The following AHCYL2 variants were observed in gnomAD, a reference collection of about 807,000 sequenced individuals.
The protein encoded by AHCYL2 is adenosylhomocysteinase like 2.
AHCYL2 carries 28 observed loss-of-function variants against 81.4 expected under a neutral mutation model. The ratio of observed to expected loss-of-function variants is 0.34; its 90% CI spans 0.25 to 0.47. The LOEUF is 0.47. Among genes scored for constraint, AHCYL2 ranks in the 20% least tolerant of loss-of-function variants. The probability of loss-of-function intolerance (pLI) is 1.00; values close to 1 mark genes in which losing one functional copy is unlikely to be tolerated. For synonymous variants in AHCYL2, 272 were observed against 290.2 expected, an observed-to-expected ratio of 0.94 and a Z score of 0.64; for missense variants, 551 against 785.1, an observed-to-expected ratio of 0.70 and a Z score of 3.56.
intron 1 of AHCYL2, among the ~76,000 whole-genome samples, chr7:129,329,906 A>T (rs937161106): frequency 6.6e-6 from 1 of 152,248 alleles, no homozygotes. Context: ...ATAGTTCTGA[A>T]TAAGTATAAA....
chr7:129,353,620 G>A lies in AHCYL2; in HGVS notation c.364-26018G>A, dbSNP rs184460620. 1.9e-4 allele frequency among the ~76,000 whole-genome samples: 29 copies of A among 149,312 alleles called. No individual in the cohort carries two copies. The East Asian group carries it at 5.3e-3, about 27-fold the overall frequency. On this transcript the variant is annotated intron_variant, in intron 1 of 16. Transcript: ENST00000325006. ...AAAATAAGCAAATAATTTTAGATGT[G>A]TTAAGATGGAGGTGCCTATAGGAAT...
chr7:129,307,221 G>A (rs1304218487), intron 1 of AHCYL2, among the ~76,000 whole-genome samples: 1 of 152,196 alleles, frequency 6.6e-6, no homozygotes, highest in Non-Finnish European at 1.5e-5. Flanking sequence ...GGCAAGTCCA[G>A]AGATGCTGTT....
At position 129,422,895 on chromosome 7, in the gene AHCYL2, A is replaced by C; in HGVS notation, c.1517A>C (p.His506Pro). The change falls in exon 13 of 17, where the codon CAT becomes CCT. Residue 506 changes from histidine to proline, a missense_variant. This residue lies in a region of AHCYL2 where 316 missense variants were observed against 543.1 expected (regional missense o/e 0.58). Transcript: ENST00000325006. ...GAGCGAGTGAGATCTCAAGTTGACC[A>C]TGTGATATGGCCTGATGGCAAGAGG... ...TWERVRSQVD[H>P]VIWPDGKRIV... 1 of 1,614,138 alleles carries C rather than the reference A, an allele frequency of 6.2e-7. No homozygotes were observed.
chr7:129,290,239 C>T (rs1298767017), intron 1 of AHCYL2, among the ~76,000 whole-genome samples: 1 of 152,080 alleles, frequency 6.6e-6, no homozygotes, highest in Admixed American at 6.5e-5. Flanking sequence ...CACGGTGGCT[C>T]ATGCCTGTAA....
At position 129,389,745 on chromosome 7, in the gene AHCYL2, T is replaced by C; in HGVS notation, c.720+11T>C. The C allele has an allele frequency of 6.3e-7, 1 of 1,596,560 alleles. No homozygotes were observed. Among genetic ancestry groups the C allele is most frequent in the Non-Finnish European group, 8.5e-7 (1 of 1,174,322 alleles). On this transcript the variant is annotated intron_variant, in intron 4 of 16. Coordinates refer to ENST00000325006, the MANE Select transcript of AHCYL2 (RefSeq NM_015328.4). Reference sequence around the variant, plus strand: ...ACTGCTCAGACTGCTGTGAGTTCTTTTCTTTTCTCCTTTTAATTACAATAG... The same window carrying C: ...ACTGCTCAGACTGCTGTGAGTTCTTCTCTTTTCTCCTTTTAATTACAATAG...
At chr7:129,317,365 G>C (rs959010998) in intron 1 of AHCYL2, among the ~76,000 whole-genome samples, 3 of 151,878 alleles carry the variant, frequency 2.0e-5, no homozygotes, top group African/African-American at 7.3e-5. Context: ...CTCCAAGACA[G>C]ACTTAGAGGC....
chr7:129,236,727 A>G (rs1035187392), intron 1 of AHCYL2, among the ~76,000 whole-genome samples: 2 of 152,156 alleles, frequency 1.3e-5, no homozygotes, highest in African/African-American at 2.4e-5. Context: ...TTCACCATAC[A>G]TTTACCAATA....
chr7:129,403,498 A>G lies in AHCYL2; in HGVS notation c.1025+13A>G, dbSNP rs1372078130. 1.3e-6 allele frequency: 2 copies of G among 1,553,820 alleles called. No homozygotes were observed. The highest frequency in any genetic ancestry group is 8.8e-7 in the Non-Finnish European group (1 of 1,132,870). ...CTGGAGTTCACAGGTAAGATTTGAC[A>G]TGGGCATACCTGGTTTTATGCAGTC... On this transcript the variant is annotated intron_variant, in intron 7 of 16. Coordinates refer to ENST00000325006, the MANE Select transcript of AHCYL2 (RefSeq NM_015328.4).
Position 129,243,456 on chromosome 7 carries a change from C to A in AHCYL2, c.363+18017C>A, listed in dbSNP as rs185993645. Reference sequence around the variant, plus strand: ...TAATATAAAATTGATTTTTTAAAATCATTTGTCCTTTTTGAGTCTTGTTTT... The same window carrying A: ...TAATATAAAATTGATTTTTTAAAATAATTTGTCCTTTTTGAGTCTTGTTTT... On this transcript the variant is annotated intron_variant, in intron 1 of 16. Coordinates refer to ENST00000325006, the MANE Select transcript of AHCYL2 (RefSeq NM_015328.4). 9.9e-5 allele frequency among the ~76,000 whole-genome samples: 15 copies of A among 152,134 alleles called. No individual in the cohort carries two copies. The East Asian group carries it at 2.9e-3, about 29-fold the overall frequency.
chr7:129,313,509 T>C lies in AHCYL2; in HGVS notation c.364-66129T>C, dbSNP rs150338129. 1.8e-4 allele frequency among the ~76,000 whole-genome samples: 27 copies of C among 152,290 alleles called. No individual in the cohort carries two copies. In the East Asian group the frequency reaches 2.7e-3, roughly 15 times the overall value. ...AGCTCAGGTGTAGAAACAGAGAAAG[T>C]TGACAGTGTTTTTTGCTGTGTAGTT... On this transcript the variant is annotated intron_variant, in intron 1 of 16. Coordinates refer to ENST00000325006, the MANE Select transcript of AHCYL2 (RefSeq NM_015328.4).
chr7:129,423,432 T>C (rs182990864), intron 13 of AHCYL2, among the ~76,000 whole-genome samples: 10 of 152,306 alleles, frequency 6.6e-5, no homozygotes. Flanking sequence ...TATCAATTGC[T>C]CAATTGATAT....
At chr7:129,322,384 C>T (rs548792653) in intron 1 of AHCYL2, among the ~76,000 whole-genome samples, 1 of 152,198 alleles carries the variant, frequency 6.6e-6, no homozygotes, top group African/African-American at 2.4e-5. Flanking sequence ...AGGTGATCTG[C>T]CCGCCTTGGT....
rs943664030 is a variant in AHCYL2, at chr7:129,419,999, T to C, written c.1462-2841T>C. Among the ~76,000 whole-genome samples, 2 of 152,208 alleles carry C rather than the reference T, an allele frequency of 1.3e-5. No individual in the cohort carries two copies. The highest frequency in any genetic ancestry group is 2.9e-5 in the Non-Finnish European group (2 of 68,030). On this transcript the variant is annotated intron_variant, in intron 12 of 16. Transcript: ENST00000325006. This position sits in a 1 kb window ranked among gnomAD's most constrained non-coding sequence, Gnocchi z 4.7. ...TTCTGCTCTTGAGGAATGTGACTGC[T>C]GACTAGGCCTTAATAGGCAGGTTAT...
intron 1 of AHCYL2, among the ~76,000 whole-genome samples, chr7:129,242,093 A>AT (rs1794879579): frequency 6.6e-6 from 1 of 152,140 alleles, no homozygotes; most frequent in African/African-American, 2.4e-5. Flanking sequence ...GTATTTATGT[A>AT]TTCTGCAGCC....
chr7:129,422,972 A>G (rs753781187), intron 13 of AHCYL2, 34 bp downstream of exon 13: 16 of 1,591,744 alleles, frequency 1.0e-5, no homozygotes, highest in Non-Finnish European at 1.4e-5. Flanking sequence ...ACTCCCCCAC[A>G]ACAGGAGAGA....
At chr7:129,360,704 CGTGTGTG>C (rs1793904287) in intron 1 of AHCYL2, among the ~76,000 whole-genome samples, 1 of 151,430 alleles carries the variant, frequency 6.6e-6, no homozygotes, top group Non-Finnish European at 1.5e-5. Flanking sequence ...TTTTGAAAGA[CGTGTGTG>C]TGTGTGTATG....
intron 1 of AHCYL2, among the ~76,000 whole-genome samples, chr7:129,246,992 ATCT>A (rs1466655971): frequency 6.6e-5 from 10 of 152,314 alleles, no homozygotes; most frequent in Admixed American, 5.9e-4. Context: ...AGATTATATC[ATCT>A]TTTAGCTATT....
chr7:129,405,743 C>G, intron 8 of AHCYL2, 93 bp from the exon 9 acceptor site: 1 of 1,214,378 alleles, frequency 8.2e-7, no homozygotes, highest in Non-Finnish European at 1.1e-6. Flanking sequence ...GAAAAACCAA[C>G]CAAAAAACCC....
At chr7:129,412,638 T>C (rs1245046646) in intron 11 of AHCYL2, among the ~76,000 whole-genome samples, 1 of 152,140 alleles carries the variant, frequency 6.6e-6, no homozygotes, top group Non-Finnish European at 1.5e-5. Flanking sequence ...CAACAATACA[T>C]GTGCCTTCTA....
Sources: allele counts gnomAD v4.1 joint callset (sites outside exome capture counted in the v4.1 genomes callset), GRCh38; gene constraint gnomAD v4.1.1; regional missense constraint gnomAD v4.1.1; non-coding constraint Gnocchi (gnomAD v3.1); transcripts MANE v1.5; gene names NCBI Gene and HGNC (gene_info 2026-07-23, HGNC 2026-07-21).